The following PARD3 variants were observed in gnomAD, a reference collection of about 807,000 sequenced individuals.
The protein encoded by PARD3 is par-3 family cell polarity regulator.
Under a neutral mutation model 155.4 loss-of-function variants are expected in PARD3, and 75 were observed. That is an observed-to-expected ratio of 0.48 (90% CI 0.40 to 0.58). PARD3 has a LOEUF of 0.58. PARD3 is among the 20% of genes least tolerant of loss of function. PARD3 has a pLI of 0.00. For synonymous variants in PARD3, 576 were observed against 610.5 expected (o/e 0.94, Z 0.83); for missense variants, 1,642 against 1,721.7 (o/e 0.95, Z 0.82).
chr10:34,478,219 A>G (rs2078839999), intron 3 of PARD3, among the ~76,000 whole-genome samples: 1 of 152,216 alleles, frequency 6.6e-6, no homozygotes, highest in Admixed American at 6.5e-5. Context: ...CTTAGTGATA[A>G]ACTGAAATAT....
chr10:34,466,282 T>TATC (rs897067390), intron 4 of PARD3, among the ~76,000 whole-genome samples: 5 of 152,006 alleles, frequency 3.3e-5, no homozygotes, highest in African/African-American at 1.2e-4. Flanking sequence ...AGCAACTGAG[T>TATC]ATCATCATCA....
At chr10:34,424,729 G>T (rs2075505827) in intron 5 of PARD3, among the ~76,000 whole-genome samples, 1 of 151,950 alleles carries the variant, frequency 6.6e-6, no homozygotes, top group South Asian at 2.1e-4. Flanking sequence ...TGCCCAGGCT[G>T]GTCTCAAACT....
At chr10:34,620,571 G>A (rs2091598321) in intron 2 of PARD3, among the ~76,000 whole-genome samples, 1 of 152,174 alleles carries the variant, frequency 6.6e-6, no homozygotes, top group African/African-American at 2.4e-5. Context: ...AACAGTAACT[G>A]GAAATTGGGA....
At chr10:34,683,146 TG>T (rs1282147835) in intron 2 of PARD3, among the ~76,000 whole-genome samples, 1 of 151,942 alleles carries the variant, frequency 6.6e-6, no homozygotes, top group Admixed American at 6.6e-5. Flanking sequence ...CACAGAAAGG[TG>T]AACACCACGT....
chr10:34,806,647 T>A (rs1486971254), intron 1 of PARD3, among the ~76,000 whole-genome samples: 1 of 152,178 alleles, frequency 6.6e-6, no homozygotes, highest in Non-Finnish European at 1.5e-5. Flanking sequence ...AAGCAAAATT[T>A]ACCCTAACTC....
At chr10:34,552,365 A>G (rs2762529) in intron 2 of PARD3, among the ~76,000 whole-genome samples, 143,292 of 152,288 alleles carry the variant, frequency 0.94, 67,530 homozygotes, top group East Asian at 1. Context: ...CCTCCCAAAG[A>G]CTGGGATTAC....
intron 21 of PARD3, among the ~76,000 whole-genome samples, chr10:34,276,106 C>T (rs914113769): frequency 1.4e-4 from 22 of 152,100 alleles, no homozygotes; most frequent in Non-Finnish European, 2.8e-4. Flanking sequence ...TGATGGACAA[C>T]ATTTATACTG....
chr10:34,120,004 A>ATTTTTTTTTTT lies in PARD3; in HGVS notation c.3541-275_3541-265dup, dbSNP rs1185067110. On this transcript the variant is annotated intron_variant, in intron 23 of 24. Transcript: ENST00000374788. ...AGATCAAACTTTCTAGTCTTCTTTA[A>ATTTTTTTTTTT]TTTTTTTTTTTTTTTTTTTTTTTTT... Among the ~76,000 whole-genome samples the ATTTTTTTTTTT allele has an allele frequency of 2.1e-3, 155 of 73,830 alleles. 25 individuals are homozygous for ATTTTTTTTTTT. The highest frequency in any genetic ancestry group is 8.4e-3 in the African/African-American group (144 of 17,060). The allele number at this position is 73,830 out of a possible 152,430, so 48.4% of individuals were successfully genotyped here.
intron 1 of PARD3, among the ~76,000 whole-genome samples, chr10:34,760,599 T>C (rs1401926649): frequency 6.6e-6 from 1 of 152,242 alleles, no homozygotes; most frequent in Non-Finnish European, 1.5e-5. Flanking sequence ...CCCAAAGCGC[T>C]GGGATTACAG....
chr10:34,800,978 C>A (rs1169912757), intron 1 of PARD3, among the ~76,000 whole-genome samples: 3 of 152,170 alleles, frequency 2.0e-5, no homozygotes, highest in Non-Finnish European at 2.9e-5. Context: ...TCTTCTGCCT[C>A]GGACTAAAAT....
intron 2 of PARD3, among the ~76,000 whole-genome samples, chr10:34,652,612 C>T (rs2093045828): frequency 6.6e-6 from 1 of 152,128 alleles, no homozygotes; most frequent in Non-Finnish European, 1.5e-5. Context: ...CACATAAAAA[C>T]AATGCCCTTA....
intron 16 of PARD3, among the ~76,000 whole-genome samples, chr10:34,338,163 A>C (rs7913268): frequency 0.6 from 91,952 of 152,100 alleles, 29,795 homozygotes; most frequent in African/African-American, 0.86. Context: ...TCAGGAAGAA[A>C]ATGACTAAGT....
rs990262339 is a variant in PARD3 at position 34,382,790 on chromosome 10, G to A, written c.1149C>T (p.Ser383=). The A allele has an allele frequency of 1.2e-6, 2 of 1,614,128 alleles. No individual in the cohort carries two copies. Among genetic ancestry groups the A allele is most frequent in the East Asian group, 2.2e-5 (1 of 44,884 alleles). ...EKNNYYSSRF[S]PDSQYIDNRS... ...TGTTGTCAATATACTGGCTGTCAGGGCTAAAACGGCTTGAATAGTAATTGT... is the reference window on the plus strand; with the variant it reads ...TGTTGTCAATATACTGGCTGTCAGGACTAAAACGGCTTGAATAGTAATTGT... The change falls in exon 9 of 25, where the codon AGC becomes AGT. Residue 383 remains serine (S), a synonymous_variant. Transcript: ENST00000374788.
At chr10:34,399,636 G>C in intron 6 of PARD3, among the ~76,000 whole-genome samples, 1 of 152,182 alleles carries the variant, frequency 6.6e-6, no homozygotes, top group East Asian at 1.9e-4. Context: ...ACACTAGTCT[G>C]ATGGCATGGA....
intron 22 of PARD3, among the ~76,000 whole-genome samples, chr10:34,253,188 T>G (rs1954432180): frequency 6.6e-6 from 1 of 152,210 alleles, no homozygotes; most frequent in South Asian, 2.1e-4. Flanking sequence ...AAGGAAGGTG[T>G]GGACTCAATC....
chr10:34,206,928 A>C (rs1291509355), intron 22 of PARD3, among the ~76,000 whole-genome samples: 1 of 152,148 alleles, frequency 6.6e-6, no homozygotes, highest in Non-Finnish European at 1.5e-5. Context: ...CCATACAGCC[A>C]GAGAAAAGCA....
intron 20 of PARD3, among the ~76,000 whole-genome samples, chr10:34,303,633 T>C (rs918435893): frequency 6.6e-5 from 10 of 151,920 alleles, no homozygotes; most frequent in Non-Finnish European, 1.2e-4. Flanking sequence ...TTTTTTTTTT[T>C]CCTCTACAAT....
At chr10:34,687,915 C>T (rs187415279) in intron 2 of PARD3, among the ~76,000 whole-genome samples, 115 of 124,864 alleles carry the variant, frequency 9.2e-4, no homozygotes, top group Non-Finnish European at 1.4e-3. Flanking sequence ...AGTAGAGCAG[C>T]GTGATCATGG....
At chr10:34,689,689 AT>A (rs1037474831) in intron 2 of PARD3, among the ~76,000 whole-genome samples, 2 of 152,208 alleles carry the variant, frequency 1.3e-5, no homozygotes, top group Admixed American at 1.3e-4. Context: ...TAGAAAATAT[AT>A]TTTTTATTAT....
Sources: allele counts gnomAD v4.1 joint callset (sites outside exome capture counted in the v4.1 genomes callset), GRCh38; gene constraint gnomAD v4.1.1; transcripts MANE v1.5; gene names NCBI Gene and HGNC (gene_info 2026-07-23, HGNC 2026-07-21).